RASGEF1B: variants seen among roughly 807,000 people sequenced by gnomAD.
RASGEF1B encodes RasGEF domain family member 1B.
In RASGEF1B, 30 loss-of-function variants were observed where a neutral mutation model predicts 65.7. The observed-to-expected ratio is 0.46, with a 90% CI of 0.34 to 0.62. The LOEUF is 0.62. Ranked by LOEUF, RASGEF1B falls within the 20% of genes least tolerant of loss-of-function variation. RASGEF1B has a pLI of 0.01. For missense variants in RASGEF1B, 495 were observed against 580.1 expected (o/e 0.85, Z 1.51); for synonymous variants, 175 against 194.8 (o/e 0.90, Z 0.85).
At chr4:81,461,768 A>C (rs1159904727) in intron 1 of RASGEF1B, among the ~76,000 whole-genome samples, 2 of 152,180 alleles carry the variant, frequency 1.3e-5, no homozygotes, top group East Asian at 3.9e-4. Context: ...TCATGGAAGG[A>C]GCCACAGCCC....
intron 13 of RASGEF1B, among the ~76,000 whole-genome samples, chr4:81,428,802 G>C (rs1334561538): frequency 1.3e-5 from 2 of 152,220 alleles, no homozygotes; most frequent in East Asian, 3.9e-4. Context: ...CCAGGGACTA[G>C]AGCATCCTCA....
At chr4:81,456,268 G>T in intron 4 of RASGEF1B, 1 of 544,018 alleles carries the variant, frequency 1.8e-6, no homozygotes. Context: ...ATAGAATAAT[G>T]TTATTTACTT....
intron 1 of RASGEF1B, among the ~76,000 whole-genome samples, chr4:81,464,491 A>G (rs1472753199): frequency 1.3e-5 from 2 of 152,240 alleles, no homozygotes; most frequent in Non-Finnish European, 1.5e-5. Flanking sequence ...CTCAAAAGCT[A>G]TTCTCACCTT....
At chr4:81,427,957 C>T (rs979657958) in intron 13 of RASGEF1B, among the ~76,000 whole-genome samples, 165 bp from the exon 14 acceptor site, 3 of 152,066 alleles carry the variant, frequency 2.0e-5, no homozygotes, top group African/African-American at 7.2e-5. Context: ...CCTATTGGCT[C>T]TCTGGGAAAA....
chr4:81,456,461 T>A (rs1202877295), intron 4 of RASGEF1B, 190 bp downstream of exon 4: 1 of 713,256 alleles, frequency 1.4e-6, no homozygotes, highest in South Asian at 1.5e-5. Flanking sequence ...CTAGATCATA[T>A]CCCTTTGAAG....
rs1408826266 is a variant in RASGEF1B at position 81,427,732 on chromosome 4, A to G, written c.*36T>C. 4 of 1,612,146 alleles carry G rather than the reference A, an allele frequency of 2.5e-6. No homozygotes were observed. The highest frequency in any genetic ancestry group is 1.7e-4 in the Middle Eastern group (1 of 6,054). ...GGCCAGCCCCTCCATGATCTGCAGGAAGCAGCAGCAGCAGCAGGCAGGCAG... is the reference window on the plus strand; with the variant it reads ...GGCCAGCCCCTCCATGATCTGCAGGGAGCAGCAGCAGCAGCAGGCAGGCAG... On this transcript the variant is annotated 3_prime_UTR_variant, in exon 14 of 14. Coordinates refer to ENST00000264400, the MANE Select transcript of RASGEF1B (RefSeq NM_152545.3).
At chr4:81,451,518 C>T (rs1722260518) in intron 4 of RASGEF1B, 1 of 152,130 alleles carries the variant, frequency 6.6e-6, no homozygotes, top group African/African-American at 2.4e-5. Flanking sequence ...AGGAGCAGCG[C>T]CGGAAGGATA....
chr4:81,464,928 T>A (rs1038951644), intron 1 of RASGEF1B, among the ~76,000 whole-genome samples: 1 of 151,644 alleles, frequency 6.6e-6, no homozygotes, highest in Non-Finnish European at 1.5e-5. Context: ...CTACTAAAAA[T>A]ACAAAATTAG....
intron 1 of RASGEF1B, among the ~76,000 whole-genome samples, chr4:81,467,940 C>T (rs1197974649): frequency 6.6e-6 from 1 of 152,144 alleles, no homozygotes; most frequent in Admixed American, 6.5e-5. Context: ...TTTGCACAAT[C>T]CAATACAGCA....
At chr4:81,444,525 C>T (rs1721951887) in intron 8 of RASGEF1B, among the ~76,000 whole-genome samples, 3 of 152,028 alleles carry the variant, frequency 2.0e-5, no homozygotes, top group Non-Finnish European at 2.9e-5. Flanking sequence ...TCGAAAAGAC[C>T]TCAACTCTCT....
At chr4:81,461,603 T>C (rs1177175079) in intron 1 of RASGEF1B, among the ~76,000 whole-genome samples, 2 of 152,316 alleles carry the variant, frequency 1.3e-5, no homozygotes, top group Non-Finnish European at 2.9e-5. Context: ...TGGCCCAGTA[T>C]CTGGAAAACA....
intron 8 of RASGEF1B, among the ~76,000 whole-genome samples, chr4:81,444,685 T>C (rs1028245254): frequency 5.5e-4 from 83 of 152,116 alleles, no homozygotes; most frequent in Non-Finnish European, 5.9e-4. Context: ...TACAGGCATG[T>C]GCCACCATGC....
chr4:81,461,138 C>T lies in RASGEF1B; in HGVS notation c.-6-1624G>A, dbSNP rs1299061794. Among the ~76,000 whole-genome samples, 4 of 152,180 alleles carry T rather than the reference C, an allele frequency of 2.6e-5. 1 individual carries two copies. The South Asian group carries it at 6.2e-4, about 24-fold the overall frequency. ...ATAGACAAGGTATGTTTCTTTCCTC[C>T]TCAAATTGCCAGGTTTCTATGAGTA... On this transcript the variant is annotated intron_variant, in intron 1 of 13. Transcript: ENST00000264400.
At chr4:81,440,722 C>A in intron 10 of RASGEF1B, 112 bp downstream of exon 10, 1 of 658,788 alleles carries the variant, frequency 1.5e-6, no homozygotes, top group Non-Finnish European at 2.7e-6. Flanking sequence ...GTACACATGT[C>A]TCTCTCTTAA....
chr4:81,468,705 C>T (rs1006940862), intron 1 of RASGEF1B, among the ~76,000 whole-genome samples: 6 of 152,158 alleles, frequency 3.9e-5, no homozygotes, highest in African/African-American at 1.4e-4. Context: ...TTTCACTCTC[C>T]TCTCTTCATT....
chr4:81,440,750 A>G (rs924139787), intron 10 of RASGEF1B, 84 bp downstream of exon 10: 1 of 816,372 alleles, frequency 1.2e-6, no homozygotes, highest in Non-Finnish European at 2.0e-6. Context: ...CAAGTAAAAA[A>G]ACTTCAGTGT....
chr4:81,464,988 G>A (rs1722759406), intron 1 of RASGEF1B, among the ~76,000 whole-genome samples: 1 of 151,932 alleles, frequency 6.6e-6, no homozygotes, highest in Non-Finnish European at 1.5e-5. Flanking sequence ...GGAGGCTGAG[G>A]CGGGAGAATC....
chr4:81,433,382 T>C (rs1349638844), intron 12 of RASGEF1B, among the ~76,000 whole-genome samples: 1 of 152,194 alleles, frequency 6.6e-6, no homozygotes, highest in Non-Finnish European at 1.5e-5. Context: ...GATTTTTTTC[T>C]GTATCTAATC....
intron 3 of RASGEF1B, 40 bp from the exon 4 acceptor site, chr4:81,456,828 A>T (rs1180434403): frequency 1.3e-6 from 2 of 1,509,812 alleles, no homozygotes; most frequent in East Asian, 4.5e-5. Flanking sequence ...GATATTTATC[A>T]CTATGGACTA....
Sources: allele counts gnomAD v4.1 joint callset (sites outside exome capture counted in the v4.1 genomes callset), GRCh38; gene constraint gnomAD v4.1.1; transcripts MANE v1.5; gene names NCBI Gene and HGNC (gene_info 2026-07-23, HGNC 2026-07-21).